OSBPL10: variants seen among roughly 807,000 people sequenced by gnomAD.
The protein encoded by OSBPL10 is oxysterol-binding protein-related protein 10.
Under a neutral mutation model 81.7 loss-of-function variants are expected in OSBPL10, and 49 were observed. The ratio of observed to expected loss-of-function variants is 0.60; its 90% CI spans 0.48 to 0.76. OSBPL10 has a LOEUF of 0.76. Among genes scored for constraint, OSBPL10 ranks in the 30% least tolerant of loss-of-function variants. The pLI is 0.00. For missense variants in OSBPL10, 923 were observed against 987.8 expected (o/e 0.93, Z 0.88); for synonymous variants, 419 against 383.6 (o/e 1.09, Z -1.08).
intron 3 of OSBPL10, among the ~76,000 whole-genome samples, chr3:31,855,358 C>T (rs1361811348): frequency 6.6e-6 from 1 of 152,206 alleles, no homozygotes; most frequent in South Asian, 2.1e-4. Flanking sequence ...ATCTGGAACA[C>T]TTCCATACCC....
intron 8 of OSBPL10, among the ~76,000 whole-genome samples, chr3:31,681,908 C>T (rs139740356): frequency 5.9e-5 from 9 of 152,266 alleles, no homozygotes; most frequent in African/African-American, 1.7e-4. Flanking sequence ...CCCTAACAAC[C>T]GCCCTGAGCT....
intron 1 of OSBPL10, among the ~76,000 whole-genome samples, chr3:31,897,710 G>A (rs532660524): frequency 5.3e-5 from 8 of 152,116 alleles, no homozygotes; most frequent in Non-Finnish European, 1.0e-4. Context: ...AGCACTGGAT[G>A]TATAAGAAGA....
intron 4 of OSBPL10, among the ~76,000 whole-genome samples, chr3:31,809,018 A>T (rs1421075879): frequency 1.3e-5 from 2 of 152,242 alleles, no homozygotes; most frequent in Non-Finnish European, 2.9e-5. Flanking sequence ...TGCTTAAGGT[A>T]AACAAAGCAT....
At chr3:31,682,744 AAGG>A (rs1700684077) in intron 8 of OSBPL10, among the ~76,000 whole-genome samples, 1 of 152,102 alleles carries the variant, frequency 6.6e-6, no homozygotes, top group South Asian at 2.1e-4. Flanking sequence ...CGTGAGAAAG[AAGG>A]AGAACAGAAG....
chr3:31,949,667 CAAAAAAAAAAAAAAAAAAAAA>C (rs56002214), intron 1 of OSBPL10, among the ~76,000 whole-genome samples: 2 of 26,232 alleles, frequency 7.6e-5, no homozygotes, highest in African/African-American at 3.3e-4. Context: ...GACTCTGTCT[CAAAAAAAAAAAAAAAAAAAAA>C]AAAAAAAAAA....
chr3:31,955,240 A>C (rs998813391), intron 1 of OSBPL10, among the ~76,000 whole-genome samples: 2 of 152,244 alleles, frequency 1.3e-5, no homozygotes, highest in Non-Finnish European at 2.9e-5. Flanking sequence ...TATACACCAG[A>C]GGTATATGCT....
At chr3:31,827,925 G>A (rs1005425040) in intron 4 of OSBPL10, among the ~76,000 whole-genome samples, 4 of 152,056 alleles carry the variant, frequency 2.6e-5, no homozygotes, top group Non-Finnish European at 5.9e-5. Context: ...ACATTCTGTT[G>A]AATCAAACGC....
intron 5 of OSBPL10, among the ~76,000 whole-genome samples, chr3:31,747,476 G>C (rs1316874726): frequency 5.0e-5 from 4 of 80,542 alleles, no homozygotes; most frequent in African/African-American, 1.7e-4. Context: ...GGAATGAAAT[G>C]AATCTTCAAA....
chr3:31,869,241 C>G (rs1297230931), intron 3 of OSBPL10, among the ~76,000 whole-genome samples: 1 of 152,170 alleles, frequency 6.6e-6, no homozygotes, highest in East Asian at 1.9e-4. Flanking sequence ...ATGGTCTAAG[C>G]AGGTATGCTC....
In OSBPL10 at chr3:31,905,345, A is replaced by ATTTTTTTTTTTTTTTTTTTTTT. The variant is rs386396290; in HGVS notation, c.282-25537_282-25516dup. ...GAGCTCTATGTCAAGGAACCTGGTGATTTTTTTTTTTTTTTTTTTTTTTAG... is the reference window on the plus strand; with the variant it reads ...GAGCTCTATGTCAAGGAACCTGGTGATTTTTTTTTTTTTTTTTTTTTTTTTTTTTTTTTTTTTTTTTTTTTAG... On this transcript the variant is annotated intron_variant, in intron 1 of 11. Coordinates refer to ENST00000396556, the MANE Select transcript of OSBPL10 (RefSeq NM_017784.5). Among the ~76,000 whole-genome samples the ATTTTTTTTTTTTTTTTTTTTTT allele has an allele frequency of 1.6e-3, 148 of 94,810 alleles. 26 individuals carry two copies. The highest frequency in any genetic ancestry group is 8.9e-3 in the East Asian group (23 of 2,584). The allele number at this position is 94,810 out of a possible 152,430, so 62.2% of individuals were successfully genotyped here. A position where few individuals can be genotyped will look rare whatever the true frequency, so the allele number is the denominator to read the frequency against.
At chr3:31,804,442 T>C (rs1699473893) in intron 4 of OSBPL10, among the ~76,000 whole-genome samples, 1 of 152,170 alleles carries the variant, frequency 6.6e-6, no homozygotes, top group South Asian at 2.1e-4. Context: ...AGTAAGCAAA[T>C]GACCCAGCCT....
In OSBPL10 at chr3:31,830,091, G is replaced by A. The variant is rs759589230; in HGVS notation, c.678C>T (p.Ala226=). 26 of 1,613,944 alleles carry A rather than the reference G, an allele frequency of 1.6e-5. No individual in the cohort carries two copies. The East Asian group carries it at 1.8e-4, about 11-fold the overall frequency. ...AATACTGACTCTTGGCTCTTCGGGC[G>A]GCTGCAGGCGACTTGTGATGCGTGA... ...VTITHHKSPA[A]ARRAKSQYSG... Residue 226 remains alanine, a synonymous_variant, in exon 4 of 12, where the codon GCC becomes GCT. Coordinates refer to ENST00000396556, the MANE Select transcript of OSBPL10 (RefSeq NM_017784.5).
At chr3:31,997,380 T>C in intron 2 of OSBPL10, among the ~76,000 whole-genome samples, 1 of 151,678 alleles carries the variant, frequency 6.6e-6, no homozygotes, top group Non-Finnish European at 1.5e-5. Flanking sequence ...TCCTCGTGCC[T>C]CAGCCTCCCA....
At chr3:31,770,759 C>T (rs965044129) in intron 4 of OSBPL10, among the ~76,000 whole-genome samples, 1 of 152,086 alleles carries the variant, frequency 6.6e-6, no homozygotes, top group African/African-American at 2.4e-5. Context: ...GCACTCCAGC[C>T]TGGGCAACAA....
intron 2 of OSBPL10, among the ~76,000 whole-genome samples, chr3:31,996,061 T>C (rs1054713150): frequency 3.9e-5 from 6 of 152,148 alleles, no homozygotes; most frequent in African/African-American, 9.7e-5. Flanking sequence ...GGAGGTAGAA[T>C]TGGGGCTGCC....
intron 1 of OSBPL10, among the ~76,000 whole-genome samples, chr3:31,911,176 A>G (rs1410529008): frequency 6.6e-6 from 1 of 152,186 alleles, no homozygotes; most frequent in Admixed American, 6.5e-5. Context: ...CTTTTTCTGG[A>G]AAAGGGGAAA....
At chr3:31,809,948 C>G (rs1020395327) in intron 4 of OSBPL10, among the ~76,000 whole-genome samples, 1 of 142,320 alleles carries the variant, frequency 7.0e-6, no homozygotes, top group African/African-American at 2.7e-5. Context: ...CTCGGTTCAC[C>G]ACAACCTCTG....
chr3:31,690,486 G>A (rs1164569343), intron 7 of OSBPL10, among the ~76,000 whole-genome samples: 1 of 152,312 alleles, frequency 6.6e-6, no homozygotes, highest in Admixed American at 6.5e-5. Flanking sequence ...CAACTTTACT[G>A]TAGATTGGAA....
intron 1 of OSBPL10, among the ~76,000 whole-genome samples, chr3:31,957,162 T>C (rs944126420): frequency 2.0e-5 from 3 of 151,982 alleles, no homozygotes; most frequent in Non-Finnish European, 2.9e-5. Flanking sequence ...TAAAAATAAA[T>C]AAAATCATGT....
Sources: gnomAD v4.1 joint callset for allele counts (sites outside exome capture counted in the v4.1 genomes callset) on GRCh38, gnomAD v4.1.1 for gene constraint, MANE v1.5 for transcripts, NCBI Gene and HGNC (gene_info 2026-07-23, HGNC 2026-07-21) for gene names.